SLC30A5: variants seen among roughly 807,000 people sequenced by gnomAD.
SLC30A5 encodes the protein solute carrier family 30 member 5, also known as proton-coupled zinc antiporter SLC30A5.
Under a neutral mutation model 79.6 loss-of-function variants are expected in SLC30A5, and 33 were observed. That is an observed-to-expected ratio of 0.41 (90% CI 0.31 to 0.55). The LOEUF (loss-of-function observed/expected upper bound fraction) is 0.55. Ranked by LOEUF, SLC30A5 falls within the 20% of genes least tolerant of loss-of-function variation. The pLI is 0.20. For missense variants in SLC30A5, 788 were observed against 928.1 expected, an observed-to-expected ratio of 0.85 and a Z score of 1.96; for synonymous variants, 299 against 319.7, an observed-to-expected ratio of 0.94 and a Z score of 0.69.
chr5:69,115,554 T>C, intron 8 of SLC30A5, 147 bp downstream of exon 8: 1 of 675,314 alleles, frequency 1.5e-6, no homozygotes, highest in East Asian at 2.9e-5. Flanking sequence ...TTGTAGTTTT[T>C]TAAAAAAAAT....
chr5:69,129,334 C>T (rs879038688), intron 15 of SLC30A5, 113 bp from the exon 16 acceptor site: 44 of 734,204 alleles, frequency 6.0e-5, no homozygotes, highest in East Asian at 2.6e-4. Flanking sequence ...TCTCAGATTT[C>T]GTATTTTCAG....
At position 69,115,624 on chromosome 5, in the gene SLC30A5, C is replaced by G. The variant is rs149305397; in HGVS notation, c.783+217C>G. ...ATCAAATGCTATTACATTTACATATCCCTCACATTGCTATGGCCCAAAGGA... is the reference window on the plus strand; with the variant it reads ...ATCAAATGCTATTACATTTACATATGCCTCACATTGCTATGGCCCAAAGGA... On this transcript the variant is annotated intron_variant, in intron 8 of 15. Coordinates refer to ENST00000396591, the MANE Select transcript of SLC30A5 (RefSeq NM_022902.5). Among the ~76,000 whole-genome samples, 22 of 152,168 alleles carry G rather than the reference C, an allele frequency of 1.4e-4. No homozygotes were observed. In the East Asian group the frequency reaches 4.3e-3, roughly 29 times the overall value.
At chr5:69,112,544 G>C (rs1327181463) in intron 5 of SLC30A5, among the ~76,000 whole-genome samples, 1 of 151,846 alleles carries the variant, frequency 6.6e-6, no homozygotes, top group Non-Finnish European at 1.5e-5. Flanking sequence ...CCAGGAATTG[G>C]AGGCTGCAGT....
chr5:69,094,289 G>C lies in SLC30A5; in HGVS notation c.34G>C (p.Gly12Arg). Residue 12 changes from glycine (G) to arginine (R), a missense_variant, in exon 1 of 16, where the codon GGC becomes CGC. Around this residue, in one of 3 missense-constraint regions of SLC30A5, gnomAD observed 626 missense variants for 755.5 expected, o/e 0.83. Transcript: ENST00000396591. ...GAAATACGGCGGGGACGTGCTGGCCGGCCCCGGCGGCGGCGGCGGCCTTGG... is the reference window on the plus strand; with the variant it reads ...GAAATACGGCGGGGACGTGCTGGCCCGCCCCGGCGGCGGCGGCGGCCTTGG... Reference protein sequence around the residue: ...EEKYGGDVLAGPGGGGGLGPV... With the variant: ...EEKYGGDVLARPGGGGGLGPV... 2.4e-6 allele frequency: 3 copies of C among 1,261,288 alleles called. No homozygotes were observed. The highest frequency in any genetic ancestry group is 3.0e-6 in the Non-Finnish European group (3 of 997,318). 78.1% of individuals were successfully genotyped at this position (1,261,288 alleles called of 1,614,324 possible).
At chr5:69,106,745 C>T (rs1746091403) in intron 4 of SLC30A5, among the ~76,000 whole-genome samples, 1 of 152,150 alleles carries the variant, frequency 6.6e-6, no homozygotes, top group Non-Finnish European at 1.5e-5. Flanking sequence ...GAAGCTTAAC[C>T]TTAGCATACT....
chr5:69,120,770 T>C (rs1746513810), intron 12 of SLC30A5, among the ~76,000 whole-genome samples: 1 of 152,178 alleles, frequency 6.6e-6, no homozygotes, highest in South Asian at 2.1e-4. Flanking sequence ...AATCTCTTAC[T>C]ACTTTTGAAA....
Position 69,121,680 on chromosome 5 carries a change from C to A in SLC30A5, c.1570-14C>A. On this transcript the variant is annotated splice_polypyrimidine_tract_variant and intron_variant, in intron 12 of 15. Transcript: ENST00000396591. ...AATTACTAATTTAAAGGTTTTTTTT[C>A]TCCCTTTTGCTAGCCAGTCTCAGTT... 6.4e-7 allele frequency: 1 copy of A among 1,558,684 alleles called. No individual in the cohort carries two copies. The highest frequency in any genetic ancestry group is 2.3e-5 in the East Asian group (1 of 44,112).
At chr5:69,105,993 C>G (rs1205156382) in intron 4 of SLC30A5, among the ~76,000 whole-genome samples, 1 of 152,176 alleles carries the variant, frequency 6.6e-6, no homozygotes, top group Non-Finnish European at 1.5e-5. Flanking sequence ...GGAAACCAGA[C>G]CCTGGTGCCA....
intron 8 of SLC30A5, 81 bp downstream of exon 8, chr5:69,115,488 A>G (rs1746342785): frequency 2.7e-6 from 3 of 1,099,484 alleles, no homozygotes; most frequent in Admixed American, 5.1e-5. Context: ...ACTGTATTCA[A>G]TAAATTATAT....
intron 14 of SLC30A5, among the ~76,000 whole-genome samples, chr5:69,124,669 G>A (rs1034769889): frequency 8.5e-5 from 13 of 152,194 alleles, no homozygotes; most frequent in Admixed American, 3.3e-4. Context: ...TCCACCTCCC[G>A]GGTTCAAGCG....
Position 69,094,466 on chromosome 5 carries a change from C to G in SLC30A5, c.83+128C>G, listed in dbSNP as rs934092132. ...CGGCGCGCCCTCTCCCCCTGCCTGC[C>G]TCCCTGCGCGCAGGCTGCCTCCGGG... On this transcript the variant is annotated intron_variant, in intron 1 of 15. Transcript: ENST00000396591. 31 of 1,012,676 alleles carry G rather than the reference C, an allele frequency of 3.1e-5. No homozygotes were observed. The African/African-American group carries it at 5.2e-4, about 17-fold the overall frequency. The allele number at this position is 1,012,676 out of a possible 1,614,324, so 62.7% of individuals were successfully genotyped here. A position where few individuals can be genotyped will look rare whatever the true frequency, so the allele number is the denominator to read the frequency against.
At position 69,104,736 on chromosome 5, in the gene SLC30A5, T is replaced by C. The variant is rs1439173415; in HGVS notation, c.359+20T>C. On this transcript the variant is annotated intron_variant, in intron 4 of 15. Transcript: ENST00000396591. The stretch of plus-strand genomic sequence containing the variant: ...ACTAAGGTAAATAAAAATGCATATT[T>C]TGAATGTGTGTTTGTATTTCTTCAT... 3.1e-6 allele frequency: 5 copies of C among 1,597,202 alleles called. No individual in the cohort carries two copies. The African/African-American group carries it at 6.8e-5, about 22-fold the overall frequency.
At position 69,130,074 on chromosome 5, in the gene SLC30A5, T is replaced by C. The variant is rs1746811368; in HGVS notation, c.*457T>C. On this transcript the variant is annotated 3_prime_UTR_variant, in exon 16 of 16. Coordinates refer to ENST00000396591, the MANE Select transcript of SLC30A5 (RefSeq NM_022902.5). ...ATGGATTTTCTGTATATAAAACTGG[T>C]TTCTAATTATAACTTAAGTCCATTA... is the stretch of plus-strand genomic sequence containing the variant. The C allele has an allele frequency of 6.6e-6, 1 of 152,194 alleles. No homozygotes were observed. Among genetic ancestry groups the C allele is most frequent in the South Asian group, 2.1e-4 (1 of 4,834 alleles). The allele number at this position is 152,194 out of a possible 1,614,324, so 9.4% of individuals were successfully genotyped here.
chr5:69,113,087 T>C, intron 5 of SLC30A5, 53 bp from the exon 6 acceptor site: 1 of 1,467,482 alleles, frequency 6.8e-7, no homozygotes, highest in Non-Finnish European at 9.4e-7. Context: ...GTTACGGTCT[T>C]AAAAATCAAC....
At chr5:69,097,109 C>T (rs200306568) in intron 1 of SLC30A5, among the ~76,000 whole-genome samples, 12 of 87,902 alleles carry the variant, frequency 1.4e-4, no homozygotes, top group African/African-American at 3.8e-4. Flanking sequence ...CTCTCTTTTT[C>T]TTTTTTTTTT....
At chr5:69,111,486 A>T (rs1746231667) in intron 5 of SLC30A5, among the ~76,000 whole-genome samples, 1 of 150,912 alleles carries the variant, frequency 6.6e-6, no homozygotes, top group East Asian at 1.9e-4. Context: ...TTGTACTTTT[A>T]GTAGAGACAG....
At chr5:69,125,483 G>A (rs570884) in intron 14 of SLC30A5, among the ~76,000 whole-genome samples, 57,462 of 150,506 alleles carry the variant, frequency 0.38, 11,462 homozygotes, top group East Asian at 0.53. Flanking sequence ...CTGAGATCAC[G>A]CCATGGCAAC....
At chr5:69,115,648 G>T (rs1225319815) in intron 8 of SLC30A5, among the ~76,000 whole-genome samples, 1 of 152,124 alleles carries the variant, frequency 6.6e-6, no homozygotes, top group Non-Finnish European at 1.5e-5. Context: ...TGGCCCAAAG[G>T]AATCATTTGA....
intron 1 of SLC30A5, 98 bp downstream of exon 1, chr5:69,094,436 G>A: frequency 3.3e-6 from 4 of 1,207,098 alleles, no homozygotes; most frequent in Non-Finnish European, 4.2e-6. Flanking sequence ...GGGACGTCCC[G>A]GGGTCGGCGC....
Sources: gnomAD v4.1 joint callset for allele counts (sites outside exome capture counted in the v4.1 genomes callset) on GRCh38, gnomAD v4.1.1 for gene constraint, gnomAD v4.1.1 regional missense constraint, MANE v1.5 for transcripts, NCBI Gene and HGNC (gene_info 2026-07-23, HGNC 2026-07-21) for gene names.